Variants in CTNND2 observed in about 807,000 individuals in gnomAD.
CTNND2 encodes the protein catenin delta 2, also known as catenin delta-2.
Under a neutral mutation model 144.4 loss-of-function variants are expected in CTNND2, and 22 were observed. That is an observed-to-expected ratio of 0.15 (90% CI 0.11 to 0.22). CTNND2 has a LOEUF of 0.22. CTNND2 is among the 10% of genes least tolerant of loss of function. The pLI, the probability that CTNND2 is intolerant of heterozygous loss-of-function variation, is 1.00. For synonymous variants in CTNND2, 751 were observed against 695.6 expected, an observed-to-expected ratio of 1.08 and a Z score of -1.25; for missense variants, 1,353 against 1,618.8, an observed-to-expected ratio of 0.84 and a Z score of 2.82.
intron 3 of CTNND2, among the ~76,000 whole-genome samples, chr5:11,432,576 C>T (rs553658257): frequency 6.6e-6 from 1 of 152,058 alleles, no homozygotes; most frequent in East Asian, 1.9e-4. Context: ...TTTAGTTCTG[C>T]TGTGGTGGTG....
chr5:11,763,755 T>C (rs1789412174), intron 1 of CTNND2, among the ~76,000 whole-genome samples: 2 of 152,148 alleles, frequency 1.3e-5, no homozygotes, highest in South Asian at 4.1e-4. Context: ...GATATGAGCT[T>C]CAATGAGTAC....
intron 9 of CTNND2, among the ~76,000 whole-genome samples, chr5:11,280,721 C>G (rs754132356): frequency 3.9e-5 from 6 of 152,210 alleles, no homozygotes; most frequent in Non-Finnish European, 7.3e-5. Context: ...GCATGTTTCT[C>G]TCTTACACAC....
intron 16 of CTNND2, among the ~76,000 whole-genome samples, chr5:11,069,379 T>A (rs1747979942): frequency 6.6e-6 from 1 of 152,028 alleles, no homozygotes; most frequent in Non-Finnish European, 1.5e-5. Flanking sequence ...GAATATGGGT[T>A]AGGAGTAGAT....
At chr5:11,529,575 G>A (rs1391392675) in intron 3 of CTNND2, among the ~76,000 whole-genome samples, 1 of 152,178 alleles carries the variant, frequency 6.6e-6, no homozygotes, top group Non-Finnish European at 1.5e-5. Context: ...ATCAAATAAA[G>A]CTTAGTTTGG....
chr5:11,822,876 G>A (rs1177460278), intron 1 of CTNND2, among the ~76,000 whole-genome samples: 10 of 152,114 alleles, frequency 6.6e-5, no homozygotes, highest in Non-Finnish European at 8.8e-5. Flanking sequence ...GGCCTTGTGA[G>A]AGATTGGCAA....
At chr5:11,363,842 C>G (rs987486930) in intron 8 of CTNND2, among the ~76,000 whole-genome samples, 3 of 152,162 alleles carry the variant, frequency 2.0e-5, no homozygotes, top group Non-Finnish European at 2.9e-5. Flanking sequence ...GCCAGCTCTG[C>G]CAGCCTCAGT....
chr5:11,195,851 C>T (rs990968290), intron 11 of CTNND2, among the ~76,000 whole-genome samples: 1 of 152,126 alleles, frequency 6.6e-6, no homozygotes, highest in Non-Finnish European at 1.5e-5. Flanking sequence ...TTATTTGCTT[C>T]GGAGCTTTTC....
At chr5:11,119,391 A>G (rs1753859856) in intron 12 of CTNND2, among the ~76,000 whole-genome samples, 1 of 152,152 alleles carries the variant, frequency 6.6e-6, no homozygotes, top group Non-Finnish European at 1.5e-5. Flanking sequence ...ATATAAACAA[A>G]ATTTCTCAGC....
intron 2 of CTNND2, among the ~76,000 whole-genome samples, chr5:11,726,776 A>T (rs2126730268): frequency 6.6e-6 from 1 of 152,302 alleles, no homozygotes; most frequent in East Asian, 1.9e-4. Context: ...AGTGCTCTGT[A>T]AACCCAACAA....
At chr5:11,850,010 T>C (rs1335020969) in intron 1 of CTNND2, among the ~76,000 whole-genome samples, 1 of 152,264 alleles carries the variant, frequency 6.6e-6, no homozygotes, top group South Asian at 2.1e-4. Context: ...CAAACGACCA[T>C]TGCATGTGTA....
intron 3 of CTNND2, among the ~76,000 whole-genome samples, chr5:11,464,686 G>A (rs1766504928): frequency 6.6e-6 from 1 of 152,176 alleles, no homozygotes; most frequent in Non-Finnish European, 1.5e-5. Context: ...AGATATACAG[G>A]TGAGAGCATG....
chr5:11,646,631 A>ACCC (rs376769264), intron 2 of CTNND2, among the ~76,000 whole-genome samples: 50,603 of 141,124 alleles, frequency 0.36, 9,291 homozygotes, highest in African/African-American at 0.55. Flanking sequence ...ATTTCTTAGG[A>ACCC]AATATCAAGT....
chr5:11,383,988 T>G (rs992895048), intron 7 of CTNND2, among the ~76,000 whole-genome samples: 1 of 150,918 alleles, frequency 6.6e-6, no homozygotes, highest in African/African-American at 2.4e-5. Context: ...GCCCAGCCCC[T>G]CCCTCCCTGT....
intron 7 of CTNND2, among the ~76,000 whole-genome samples, chr5:11,367,439 A>G (rs1757087612): frequency 1.3e-5 from 2 of 152,324 alleles, no homozygotes; most frequent in Middle Eastern, 3.4e-3. Flanking sequence ...TTCTCACACA[A>G]TGTTTTCTGG....
At chr5:11,415,314 G>A (rs1286387823) in intron 3 of CTNND2, among the ~76,000 whole-genome samples, 1 of 152,072 alleles carries the variant, frequency 6.6e-6, no homozygotes, top group Non-Finnish European at 1.5e-5. Context: ...GCTAGGCATG[G>A]TGACTCATGC....
chr5:11,571,978 T>C (rs1185320034), intron 2 of CTNND2, among the ~76,000 whole-genome samples: 5 of 152,210 alleles, frequency 3.3e-5, no homozygotes, highest in Non-Finnish European at 7.3e-5. Context: ...TGGTTCTTTA[T>C]TTACCCACTC....
chr5:11,724,271 C>T (rs950588151), intron 2 of CTNND2, among the ~76,000 whole-genome samples: 10 of 151,956 alleles, frequency 6.6e-5, no homozygotes, highest in Non-Finnish European at 1.2e-4. Flanking sequence ...ATCACTGCAG[C>T]ATTATTCAAG....
At chr5:11,399,244 T>C (rs1023843977) in intron 5 of CTNND2, among the ~76,000 whole-genome samples, 1 of 152,144 alleles carries the variant, frequency 6.6e-6, no homozygotes, top group Non-Finnish European at 1.5e-5. Context: ...TCCTCCCCCC[T>C]TGAGATAGTA....
intron 1 of CTNND2, among the ~76,000 whole-genome samples, chr5:11,750,114 G>A (rs1788531049): frequency 6.6e-6 from 1 of 151,904 alleles, no homozygotes; most frequent in Admixed American, 6.6e-5. Flanking sequence ...CCAACTCAAG[G>A]TGGAGTGAGT....
Sources: allele counts gnomAD v4.1 joint callset (sites outside exome capture counted in the v4.1 genomes callset), GRCh38; gene constraint gnomAD v4.1.1; transcripts MANE v1.5; gene names NCBI Gene and HGNC (gene_info 2026-07-23, HGNC 2026-07-21).